Variants in EEA1 observed in about 807,000 individuals in gnomAD.
The protein encoded by EEA1 is early endosome antigen 1.
In EEA1, 111 loss-of-function variants were observed where a neutral mutation model predicts 209.2. That is an observed-to-expected ratio of 0.53 (90% CI 0.45 to 0.62). The LOEUF (loss-of-function observed/expected upper bound fraction) is 0.62, where lower values mean the gene tolerates loss of function less well. Among genes scored for constraint, EEA1 ranks in the 20% least tolerant of loss-of-function variants. The pLI is 0.00. For missense variants in EEA1, 1,343 were observed against 1,530.8 expected (o/e 0.88, Z 2.05); for synonymous variants, 536 against 540.6 (o/e 0.99, Z 0.12).
intron 2 of EEA1, among the ~76,000 whole-genome samples, chr12:92,886,142 C>A: frequency 6.8e-6 from 1 of 146,452 alleles, no homozygotes; most frequent in Admixed American, 6.9e-5. Flanking sequence ...AAAAGGGAAG[C>A]TTGAAAATTA....
At chr12:92,883,834 T>C (rs554293407) in intron 2 of EEA1, 49 of 1,599,812 alleles carry the variant, frequency 3.1e-5, no homozygotes, top group African/African-American at 9.4e-5. Context: ...CATTGGAGGG[T>C]TGAGCTTTAA....
rs138996385 is a variant in EEA1 at position 92,829,391 on chromosome 12, G to A, written c.1255-1330C>T. Among the ~76,000 whole-genome samples the A allele has an allele frequency of 4.5e-4, 68 of 152,340 alleles. 1 individual carries two copies. In the East Asian group the frequency reaches 0.012, roughly 28 times the overall value. ...AACTCAAATATGTAAGTTAGTTTAA[G>A]TTATTCATTGATATCCCCATGGCTC... On this transcript the variant is annotated intron_variant, in intron 11 of 28. Transcript: ENST00000322349.
intron 1 of EEA1, 61 bp from the exon 2 acceptor site, chr12:92,891,782 G>A (rs944856146): frequency 5.3e-5 from 64 of 1,203,004 alleles, no homozygotes; most frequent in South Asian, 4.6e-4. Context: ...TATATTCATC[G>A]GCCATTTAAT....
rs140302130 is a variant in EEA1, at chr12:92,835,400, C to CTT, written c.916-2552_916-2551dup. On this transcript the variant is annotated intron_variant, in intron 10 of 28. Coordinates refer to ENST00000322349, the MANE Select transcript of EEA1 (RefSeq NM_003566.4). Reference sequence around the variant, plus strand: ...ATACACCCTTGAGATAGTTTCACTCCTTTTTTTTTTTTTTTTTTTTTTTTT... The same window carrying CTT: ...ATACACCCTTGAGATAGTTTCACTCCTTTTTTTTTTTTTTTTTTTTTTTTTTT... The CTT allele has an allele frequency of 3.8e-4, 59 of 154,418 alleles. 1 individual carries two copies. The highest frequency in any genetic ancestry group is 5.6e-4 in the South Asian group (15 of 26,788). 9.6% of individuals were successfully genotyped at this position (154,418 alleles called of 1,614,324 possible).
intron 14 of EEA1, among the ~76,000 whole-genome samples, chr12:92,817,544 T>C (rs1204278958): frequency 1.3e-5 from 2 of 151,978 alleles, no homozygotes; most frequent in Non-Finnish European, 2.9e-5. Context: ...GCTATCTCCA[T>C]CATTATAGTT....
At chr12:92,910,817 G>A (rs1319690535) in intron 1 of EEA1, among the ~76,000 whole-genome samples, 1 of 151,986 alleles carries the variant, frequency 6.6e-6, no homozygotes, top group Admixed American at 6.6e-5. Context: ...TAAAAATAAG[G>A]CAAAGACCTT....
At chr12:92,878,479 G>C (rs1879008625) in intron 2 of EEA1, among the ~76,000 whole-genome samples, 1 of 152,156 alleles carries the variant, frequency 6.6e-6, no homozygotes, top group Non-Finnish European at 1.5e-5. Context: ...ATAGCAAGTT[G>C]AATGTTGGGG....
chr12:92,802,556 C>G lies in EEA1; in HGVS notation c.2518G>C (p.Glu840Gln), dbSNP rs61756483. ...TTCTCCATTTTCACTTTTTGTAGTT[C>G]TGTTACTGTTGTTTGAATTCTGTTA... ...LNNRIQTTVT[E>Q]LQKVKMEKEA... is the part of the protein sequence containing the mutation. The change falls in exon 19 of 29, where the codon GAA becomes CAA. Residue 840 changes from glutamate (E) to glutamine (Q), a missense_variant. This residue lies in a region of EEA1 where 1,307 missense variants were observed against 1,465.5 expected (regional missense o/e 0.89). Transcript: ENST00000322349. 3.7e-6 allele frequency: 6 copies of G among 1,600,382 alleles called. No individual in the cohort carries two copies. The Admixed American group carries it at 1.1e-4, about 28-fold the overall frequency.
At chr12:92,813,717 C>T (rs911692775) in intron 15 of EEA1, among the ~76,000 whole-genome samples, 5 of 152,028 alleles carry the variant, frequency 3.3e-5, no homozygotes, top group Admixed American at 1.3e-4. Flanking sequence ...ACCTCGAATA[C>T]GAAAAGCAAA....
At chr12:92,865,533 A>G (rs1233392381) in intron 2 of EEA1, among the ~76,000 whole-genome samples, 1 of 152,050 alleles carries the variant, frequency 6.6e-6, no homozygotes, top group Admixed American at 6.5e-5. Flanking sequence ...ATTAATGTGT[A>G]GCCCCATAAA....
intron 21 of EEA1, among the ~76,000 whole-genome samples, chr12:92,793,327 C>G (rs1043927326): frequency 9.2e-5 from 14 of 152,042 alleles, no homozygotes; most frequent in South Asian, 2.1e-4. Context: ...ATTAGGAAAA[C>G]AGGAAGTCAA....
intron 21 of EEA1, among the ~76,000 whole-genome samples, chr12:92,793,638 A>G (rs1295150767): frequency 6.6e-6 from 1 of 152,226 alleles, no homozygotes; most frequent in African/African-American, 2.4e-5. Context: ...AAGAGGACAC[A>G]AACAAATGGA....
intron 22 of EEA1, among the ~76,000 whole-genome samples, chr12:92,782,736 A>G (rs892013263): frequency 1.3e-5 from 2 of 152,214 alleles, no homozygotes; most frequent in Non-Finnish European, 2.9e-5. Flanking sequence ...GTTAGGCCTC[A>G]GGAAACAGAA....
intron 1 of EEA1, among the ~76,000 whole-genome samples, chr12:92,896,923 C>G (rs1037179859): frequency 1.3e-5 from 2 of 152,052 alleles, no homozygotes; most frequent in African/African-American, 2.4e-5. Flanking sequence ...ATTTGTAATC[C>G]TAGTGCTTTG....
At chr12:92,782,921 AT>A (rs1873967499) in intron 22 of EEA1, among the ~76,000 whole-genome samples, 1 of 152,234 alleles carries the variant, frequency 6.6e-6, no homozygotes, top group African/African-American at 2.4e-5. Context: ...GAACTTCTAG[AT>A]AGCTGAACAT....
At position 92,779,121 on chromosome 12, in the gene EEA1, A is replaced by G; in HGVS notation, c.3648T>C (p.Ala1216=). Residue 1216 remains alanine (A), a synonymous_variant, in exon 25 of 29, where the codon GCT becomes GCC. Coordinates refer to ENST00000322349, the MANE Select transcript of EEA1 (RefSeq NM_003566.4). ...ELKKEFIEKE[A]KLHSEIKEKE... ...CCCCGATTAACTCACTGACCAACTT[A>G]GCTTCTTTCTCAATAAATTCTTTCT... 1 of 1,599,478 alleles carries G rather than the reference A, an allele frequency of 6.3e-7. No individual in the cohort carries two copies. Among genetic ancestry groups the G allele is most frequent in the Non-Finnish European group, 8.5e-7 (1 of 1,176,426 alleles).
chr12:92,857,164 G>A, intron 5 of EEA1, 111 bp downstream of exon 5: 1 of 675,224 alleles, frequency 1.5e-6, no homozygotes, highest in Non-Finnish European at 2.4e-6. Context: ...AACAAATTAG[G>A]AAGTTATTTA....
intron 5 of EEA1, among the ~76,000 whole-genome samples, chr12:92,854,921 T>C (rs1877800668): frequency 1.3e-5 from 2 of 152,232 alleles, no homozygotes. Flanking sequence ...CATCTATTGA[T>C]ATTCCCTGTA....
intron 12 of EEA1, among the ~76,000 whole-genome samples, chr12:92,826,663 C>T (rs866761067): frequency 3.0e-4 from 44 of 147,314 alleles, no homozygotes; most frequent in African/African-American, 1.1e-3. Context: ...CGCAGTGAGC[C>T]GAGATTGCGC....
Sources: gnomAD v4.1 joint callset for allele counts (sites outside exome capture counted in the v4.1 genomes callset) on GRCh38, gnomAD v4.1.1 for gene constraint, gnomAD v4.1.1 regional missense constraint, MANE v1.5 for transcripts, NCBI Gene and HGNC (gene_info 2026-07-23, HGNC 2026-07-21) for gene names.